NOL4: variants seen among roughly 807,000 people sequenced by gnomAD.
NOL4 encodes cancer/testis antigen 125.
In NOL4, 17 loss-of-function variants were observed where a neutral mutation model predicts 75.9. The ratio of observed to expected loss-of-function variants is 0.22; its 90% confidence interval spans 0.15 to 0.34. The LOEUF (loss-of-function observed/expected upper bound fraction) is 0.34, where lower values mean the gene tolerates loss of function less well. Among genes scored for constraint, NOL4 ranks in the 10% least tolerant of loss-of-function variants. NOL4 has a pLI of 1.00. For missense variants in NOL4, 614 were observed against 793.5 expected, an observed-to-expected ratio of 0.77 and a Z score of 2.72; for synonymous variants, 292 against 289.9, an observed-to-expected ratio of 1.01 and a Z score of -0.07.
chr18:34,006,103 T>TTTA (rs1416532059), intron 6 of NOL4, among the ~76,000 whole-genome samples: 1 of 152,070 alleles, frequency 6.6e-6, no homozygotes, highest in African/African-American at 2.4e-5. Flanking sequence ...CAGAAACAAT[T>TTTA]TTATAGCTCT....
At chr18:34,043,661 A>G (rs1272994867) in intron 5 of NOL4, among the ~76,000 whole-genome samples, 5 of 152,236 alleles carry the variant, frequency 3.3e-5, no homozygotes, top group African/African-American at 1.2e-4. Flanking sequence ...AATCTGGGAC[A>G]TAATAGTAAT....
rs189565268 is a variant in NOL4, at chr18:33,965,187, T to G, written c.1057-6769A>C. On this transcript the variant is annotated intron_variant, in intron 6 of 10. Coordinates refer to ENST00000261592, the MANE Select transcript of NOL4 (RefSeq NM_003787.5). ...CGACAAGAATGCCTGAGATATGCTTTAAAATACTATAGAAGGTCAGGTTAT... is the reference window on the plus strand; with the variant it reads ...CGACAAGAATGCCTGAGATATGCTTGAAAATACTATAGAAGGTCAGGTTAT... Among the ~76,000 whole-genome samples the G allele has an allele frequency of 9.6e-3, 1,460 of 152,226 alleles. 75 individuals are homozygous for G. Among genetic ancestry groups the G allele is most frequent in the Admixed American group, 0.086 (1,316 of 15,260 alleles).
intron 8 of NOL4, among the ~76,000 whole-genome samples, chr18:33,951,958 T>C (rs2069260590): frequency 6.6e-6 from 1 of 152,200 alleles, no homozygotes; most frequent in African/African-American, 2.4e-5. Flanking sequence ...AGCCCTAATC[T>C]GTCTGGTTCT....
At chr18:34,075,739 C>T (rs2077716449) in intron 5 of NOL4, among the ~76,000 whole-genome samples, 1 of 152,154 alleles carries the variant, frequency 6.6e-6, no homozygotes, top group African/African-American at 2.4e-5. Flanking sequence ...CCTCTTCCTC[C>T]AATTTGAAAA....
At chr18:33,949,513 C>T (rs945708867) in intron 8 of NOL4, among the ~76,000 whole-genome samples, 3 of 152,032 alleles carry the variant, frequency 2.0e-5, no homozygotes, top group Non-Finnish European at 4.4e-5. Flanking sequence ...CATTTCCAAA[C>T]AGGTAGCAAG....
At chr18:33,899,436 T>C (rs1474003971) in intron 9 of NOL4, among the ~76,000 whole-genome samples, 1 of 152,124 alleles carries the variant, frequency 6.6e-6, no homozygotes, top group Non-Finnish European at 1.5e-5. Flanking sequence ...TTGGCTGTCA[T>C]GCAGCAAGCA....
At chr18:33,926,328 C>A (rs926348870) in intron 9 of NOL4, among the ~76,000 whole-genome samples, 5 of 132,042 alleles carry the variant, frequency 3.8e-5, no homozygotes, top group African/African-American at 5.8e-5. Flanking sequence ...CCACTGCCCT[C>A]CAAAATGGCG....
At chr18:33,970,589 T>G (rs1243871258) in intron 6 of NOL4, among the ~76,000 whole-genome samples, 1 of 152,126 alleles carries the variant, frequency 6.6e-6, no homozygotes, top group African/African-American at 2.4e-5. Flanking sequence ...ACTTTAAAAA[T>G]TAAAAGTTTT....
intron 5 of NOL4, among the ~76,000 whole-genome samples, chr18:34,035,986 A>G (rs1447238139): frequency 1.3e-5 from 2 of 152,180 alleles, no homozygotes; most frequent in African/African-American, 4.8e-5. Context: ...AGTAATGAAA[A>G]TCTTCCAACA....
chr18:33,852,654 C>T lies in NOL4; in HGVS notation c.*188G>A. ...TGGACATACTAAAGTAGCTCAAGTA[C>T]TTCAGAGGTCAGAGTTCCTTTGAAG... On this transcript the variant is annotated 3_prime_UTR_variant, in exon 11 of 11. Coordinates refer to ENST00000261592, the MANE Select transcript of NOL4 (RefSeq NM_003787.5). 1 of 552,812 alleles carries T rather than the reference C, an allele frequency of 1.8e-6. No individual in the cohort carries two copies. Among genetic ancestry groups the T allele is most frequent in the Non-Finnish European group, 3.2e-6 (1 of 315,078 alleles). 34.2% of individuals were successfully genotyped at this position (552,812 alleles called of 1,614,324 possible). A position where few individuals can be genotyped will look rare whatever the true frequency, so the allele number is the denominator to read the frequency against.
At chr18:34,215,311 T>C (rs2146594778) in intron 1 of NOL4, among the ~76,000 whole-genome samples, 1 of 152,306 alleles carries the variant, frequency 6.6e-6, no homozygotes, top group Non-Finnish European at 1.5e-5. Context: ...GATTGGGAAG[T>C]GATTTTTATT....
intron 1 of NOL4, among the ~76,000 whole-genome samples, chr18:34,131,770 A>G (rs547570199): frequency 6.6e-6 from 1 of 152,294 alleles, no homozygotes; most frequent in African/African-American, 2.4e-5. Context: ...CATTTTATCA[A>G]TAAGTATTCA....
At chr18:34,136,964 T>C (rs1367008923) in intron 1 of NOL4, among the ~76,000 whole-genome samples, 1 of 152,124 alleles carries the variant, frequency 6.6e-6, no homozygotes, top group Non-Finnish European at 1.5e-5. Flanking sequence ...TGAATTGACA[T>C]ATAGATCAGT....
At chr18:34,136,791 T>A (rs1307660216) in intron 1 of NOL4, among the ~76,000 whole-genome samples, 1 of 152,038 alleles carries the variant, frequency 6.6e-6, no homozygotes, top group Non-Finnish European at 1.5e-5. Context: ...CCAAATAGCT[T>A]TTCATGAAAA....
intron 1 of NOL4, chr18:34,183,664 A>C (rs975520905): frequency 4.6e-5 from 7 of 151,982 alleles, no homozygotes; most frequent in African/African-American, 1.7e-4. Context: ...AAATGAACAA[A>C]CTATTGATTC....
In NOL4 at chr18:34,179,987, G is replaced by GA. The variant is rs533751455; in HGVS notation, c.264+43002dup. Among the ~76,000 whole-genome samples the GA allele has an allele frequency of 3.8e-3, 559 of 147,486 alleles. 5 individuals are homozygous for GA. The highest frequency in any genetic ancestry group is 0.012 in the African/African-American group (491 of 40,466). ...TAAACCTGTGATGATTAAACAGATT[G>GA]AAAAAAAAAATACTTTCTACAAAGA... On this transcript the variant is annotated intron_variant, in intron 1 of 10. Transcript: ENST00000261592.
Position 33,999,331 on chromosome 18 carries a change from T to A in NOL4, c.1056+19987A>T, listed in dbSNP as rs184481550. On this transcript the variant is annotated intron_variant, in intron 6 of 10. Coordinates refer to ENST00000261592, the MANE Select transcript of NOL4 (RefSeq NM_003787.5). Reference sequence around the variant, plus strand: ...CCTGGCTAGATAATGCTAATTTTTTTATTTTCTTTTATAATATCTATATAC... The same window carrying A: ...CCTGGCTAGATAATGCTAATTTTTTAATTTTCTTTTATAATATCTATATAC... Among the ~76,000 whole-genome samples the A allele has an allele frequency of 6.3e-3, 964 of 152,080 alleles. 10 individuals carry two copies. The highest frequency in any genetic ancestry group is 6.5e-3 in the Non-Finnish European group (442 of 67,970).
intron 10 of NOL4, among the ~76,000 whole-genome samples, chr18:33,865,810 A>G (rs2063405028): frequency 6.6e-6 from 1 of 152,136 alleles, no homozygotes; most frequent in African/African-American, 2.4e-5. Flanking sequence ...CCCTAATATG[A>G]TTGTGCTTTC....
At chr18:34,123,271 T>C (rs2080230782) in intron 2 of NOL4, among the ~76,000 whole-genome samples, 1 of 151,778 alleles carries the variant, frequency 6.6e-6, no homozygotes, top group Non-Finnish European at 1.5e-5. Flanking sequence ...TCTTTTGTTT[T>C]AGGATTGCTA....
Sources: allele counts gnomAD v4.1 joint callset (sites outside exome capture counted in the v4.1 genomes callset), GRCh38; gene constraint gnomAD v4.1.1; transcripts MANE v1.5; gene names NCBI Gene and HGNC (gene_info 2026-07-23, HGNC 2026-07-21).